CNTN4: variants seen among roughly 807,000 people sequenced by gnomAD.
The protein encoded by CNTN4 is contactin 4.
In CNTN4, 77 loss-of-function variants were observed where a neutral mutation model predicts 122.5. The ratio of observed to expected loss-of-function variants is 0.63; its 90% CI spans 0.52 to 0.76. CNTN4 has a LOEUF of 0.76. CNTN4 is among the 30% of genes least tolerant of loss of function. The pLI is 0.00. For missense variants in CNTN4, 1,256 were observed against 1,259.1 expected, an observed-to-expected ratio of 1.00 and a Z score of 0.04; for synonymous variants, 512 against 447.0, an observed-to-expected ratio of 1.15 and a Z score of -1.83.
chr3:2,301,376 T>C (rs2042512454), intron 2 of CNTN4, among the ~76,000 whole-genome samples: 1 of 152,222 alleles, frequency 6.6e-6, no homozygotes, highest in African/African-American at 2.4e-5. Flanking sequence ...TTTAGGTATT[T>C]TATTAAACAC....
intron 3 of CNTN4, among the ~76,000 whole-genome samples, chr3:2,353,897 T>C (rs866380956): frequency 6.6e-6 from 1 of 151,298 alleles, no homozygotes; most frequent in African/African-American, 2.4e-5. Context: ...AGACTCCGTC[T>C]CAAAAAAAAC....
intron 3 of CNTN4, among the ~76,000 whole-genome samples, chr3:2,419,788 C>G (rs2047548696): frequency 6.6e-6 from 1 of 152,160 alleles, no homozygotes; most frequent in Non-Finnish European, 1.5e-5. Flanking sequence ...AAGGAATAAT[C>G]ATGTTTATAC....
Position 3,049,694 on chromosome 3 carries a change from A to G in CNTN4, c.2812-4113A>G, listed in dbSNP as rs150799082. The stretch of plus-strand genomic sequence containing the variant: ...TATTATTTTATAGAAAGGCCAAGGA[A>G]AGCCACTTTTAAGTGGTGAGATTTC... On this transcript the variant is annotated intron_variant, in intron 23 of 24. Transcript: ENST00000418658. Among the ~76,000 whole-genome samples, 76 of 152,316 alleles carry G rather than the reference A, an allele frequency of 5.0e-4. 1 individual carries two copies. The highest frequency in any genetic ancestry group is 1.8e-3 in the African/African-American group (75 of 41,564).
At chr3:2,746,876 G>A (rs189147404) in intron 6 of CNTN4, among the ~76,000 whole-genome samples, 12 of 152,324 alleles carry the variant, frequency 7.9e-5, no homozygotes, top group African/African-American at 2.9e-4. Context: ...GTGATTGAAT[G>A]TAACAGAACC....
intron 7 of CNTN4, among the ~76,000 whole-genome samples, chr3:2,823,669 G>C (rs2092924840): frequency 1.3e-5 from 2 of 152,154 alleles, no homozygotes; most frequent in South Asian, 4.2e-4. Context: ...CTGGGCACCA[G>C]GAATTCATGA....
At chr3:2,232,484 C>A (rs1044448674) in intron 2 of CNTN4, among the ~76,000 whole-genome samples, 1 of 152,116 alleles carries the variant, frequency 6.6e-6, no homozygotes, top group South Asian at 2.1e-4. Context: ...ATACTCTTTA[C>A]ATGCCTTATC....
intron 2 of CNTN4, among the ~76,000 whole-genome samples, chr3:2,278,754 A>G (rs1278988622): frequency 6.6e-6 from 1 of 152,064 alleles, no homozygotes. Flanking sequence ...TAGTTTCCTC[A>G]TTTGTAAAAT....
intron 2 of CNTN4, among the ~76,000 whole-genome samples, chr3:2,187,083 C>G (rs1275355562): frequency 1.3e-5 from 2 of 152,122 alleles, no homozygotes; most frequent in Admixed American, 1.3e-4. Context: ...AGTCTTTAAT[C>G]CATCTTGAAT....
At chr3:2,840,764 T>C (rs1346315407) in intron 7 of CNTN4, among the ~76,000 whole-genome samples, 1 of 151,516 alleles carries the variant, frequency 6.6e-6, no homozygotes, top group East Asian at 1.9e-4. Context: ...AAATGTTTAG[T>C]CTCCCAATTT....
chr3:2,885,462 C>T (rs1021938860), intron 9 of CNTN4, among the ~76,000 whole-genome samples: 1 of 152,132 alleles, frequency 6.6e-6, no homozygotes, highest in African/African-American at 2.4e-5. Flanking sequence ...ATATAAATGA[C>T]AAGGAGAAAA....
chr3:2,470,417 C>T (rs555413660), intron 3 of CNTN4, among the ~76,000 whole-genome samples: 24 of 152,190 alleles, frequency 1.6e-4, no homozygotes, highest in South Asian at 1.0e-3. Context: ...GATAGTTTTA[C>T]GCTTCTCAAC....
At chr3:2,287,966 T>G (rs77415491) in intron 2 of CNTN4, among the ~76,000 whole-genome samples, 62 of 152,312 alleles carry the variant, frequency 4.1e-4, no homozygotes, top group African/African-American at 1.5e-3. Flanking sequence ...TCATTTTTTT[T>G]GTGTTAACTT....
At position 2,598,845 on chromosome 3, in the gene CNTN4, G is replaced by T. The variant is rs145737128; in HGVS notation, c.55+27287G>T. On this transcript the variant is annotated intron_variant, in intron 4 of 24. Coordinates refer to ENST00000418658, the MANE Select transcript of CNTN4 (RefSeq NM_175607.3). ...AGGGGTATTAAAGATCCACTCTCTTGGTTTTGTGGCTGAACAAATTGCCTC... is the reference window on the plus strand; with the variant it reads ...AGGGGTATTAAAGATCCACTCTCTTTGTTTTGTGGCTGAACAAATTGCCTC... Among the ~76,000 whole-genome samples, 36 of 151,732 alleles carry T rather than the reference G, an allele frequency of 2.4e-4. No individual in the cohort carries two copies. In the East Asian group the frequency reaches 7.0e-3, roughly 29 times the overall value.
chr3:2,820,684 G>T (rs1174007743), intron 7 of CNTN4, among the ~76,000 whole-genome samples: 3 of 152,078 alleles, frequency 2.0e-5, no homozygotes, highest in Non-Finnish European at 2.9e-5. Context: ...GTTGAAAAGG[G>T]CCTATTTATG....
At chr3:2,121,532 G>T (rs933884217) in intron 2 of CNTN4, among the ~76,000 whole-genome samples, 2 of 151,900 alleles carry the variant, frequency 1.3e-5, no homozygotes, top group Non-Finnish European at 1.5e-5. Context: ...GTGTGCACGG[G>T]GACCCATATC....
intron 4 of CNTN4, among the ~76,000 whole-genome samples, chr3:2,728,238 T>G (rs1339345173): frequency 6.6e-6 from 1 of 152,240 alleles, no homozygotes; most frequent in African/African-American, 2.4e-5. Context: ...TTTCCTTAGG[T>G]TATTGCCCAT....
chr3:2,362,445 C>T lies in CNTN4; in HGVS notation c.-89+23212C>T, dbSNP rs564468584. 17 of 405,334 alleles carry T rather than the reference C, an allele frequency of 4.2e-5. No homozygotes were observed. In the East Asian group the frequency reaches 9.9e-4, roughly 24 times the overall value. The allele number at this position is 405,334 out of a possible 1,614,324, so 25.1% of individuals were successfully genotyped here. A position where few individuals can be genotyped will look rare whatever the true frequency, so the allele number is the denominator to read the frequency against. ...TCTGTGGGATCCTGGACCATCGCCT[C>T]CCAGCCTACATCCTATATGAGGACT... On this transcript the variant is annotated intron_variant, in intron 3 of 24. Transcript: ENST00000418658.
intron 2 of CNTN4, among the ~76,000 whole-genome samples, chr3:2,272,022 CAG>C (rs1057509244): frequency 4.6e-5 from 7 of 152,054 alleles, no homozygotes; most frequent in African/African-American, 1.7e-4. Context: ...GGTTGTAAAA[CAG>C]TATTTCAGTA....
intron 6 of CNTN4, among the ~76,000 whole-genome samples, chr3:2,764,320 A>C (rs183748730): frequency 6.6e-6 from 1 of 152,342 alleles, no homozygotes; most frequent in East Asian, 1.9e-4. Context: ...ATTAAGAAAA[A>C]CTTCACTAAG....
Sources: allele counts gnomAD v4.1 joint callset (sites outside exome capture counted in the v4.1 genomes callset), GRCh38; gene constraint gnomAD v4.1.1; transcripts MANE v1.5; gene names NCBI Gene and HGNC (gene_info 2026-07-23, HGNC 2026-07-21).